The following NF1 variants were observed in gnomAD, a reference collection of about 807,000 sequenced individuals.
NF1 encodes neurofibromin.
In NF1, 122 loss-of-function variants were observed where a neutral mutation model predicts 325.7. The ratio of observed to expected loss-of-function variants is 0.37; its 90% CI spans 0.32 to 0.44. NF1 has a LOEUF of 0.44. Ranked by LOEUF, NF1 falls within the 20% of genes least tolerant of loss-of-function variation. The probability of loss-of-function intolerance (pLI) is 1.00; values close to 1 mark genes in which losing one functional copy is unlikely to be tolerated. For missense variants in NF1, 2,140 were observed against 3,415.4 expected (o/e 0.63, Z 9.31); for synonymous variants, 1,091 against 1,186.0 (o/e 0.92, Z 1.65).
chr17:31,307,395 G>C (rs1001337943), intron 36 of NF1, among the ~76,000 whole-genome samples: 3 of 152,182 alleles, frequency 2.0e-5, no homozygotes, highest in Admixed American at 2.0e-4. Flanking sequence ...GCCTGGAAAG[G>C]CTTCAGTGAA....
At chr17:31,205,469 A>G (rs964461856) in intron 11 of NF1, among the ~76,000 whole-genome samples, 1 of 152,168 alleles carries the variant, frequency 6.6e-6, no homozygotes, top group African/African-American at 2.4e-5. Context: ...GATTTTCACA[A>G]TTGTCATTTT....
At chr17:31,230,149 A>G in intron 22 of NF1, 111 bp from the exon 23 acceptor site, 3 of 1,427,928 alleles carry the variant, frequency 2.1e-6, no homozygotes, top group Non-Finnish European at 2.9e-6. Flanking sequence ...TAAATATCTT[A>G]TTGTTTTCAA....
chr17:31,341,725 GTA>G (rs940106139), intron 47 of NF1, among the ~76,000 whole-genome samples: 2 of 151,466 alleles, frequency 1.3e-5, no homozygotes, highest in African/African-American at 2.4e-5. Context: ...ATGTGTGTGT[GTA>G]TATATATATG....
intron 8 of NF1, among the ~76,000 whole-genome samples, chr17:31,190,931 TAA>T (rs2066331738): frequency 6.6e-6 from 1 of 152,186 alleles, no homozygotes; most frequent in East Asian, 1.9e-4. Flanking sequence ...CTTTCAGAGG[TAA>T]ACTGTGTGAT....
At chr17:31,325,284 C>T (rs1474428228) in intron 36 of NF1, among the ~76,000 whole-genome samples, 1 of 152,154 alleles carries the variant, frequency 6.6e-6, no homozygotes, top group Non-Finnish European at 1.5e-5. Context: ...GAGCTAGCAA[C>T]TCCTAGGGCT....
rs762751192 is a variant in NF1 at position 31,336,751 on chromosome 17, G to A, written c.6264G>A (p.Leu2088=). The A allele has an allele frequency of 6.8e-6, 11 of 1,613,962 alleles. No homozygotes were observed. The highest frequency in any genetic ancestry group is 1.6e-4 in the Middle Eastern group (1 of 6,084). The change falls in exon 42 of 58, where the codon CTG becomes CTA. Residue 2088 remains leucine (L), a synonymous_variant. Coordinates refer to ENST00000358273, the MANE Select transcript of NF1 (RefSeq NM_001042492.3). This position sits in a 1 kb window ranked among gnomAD's most constrained non-coding sequence, Gnocchi z 5.5. The part of the protein sequence containing the change: ...IAILARYMLM[L]SFNNSLDVAA... ...TTTTAGCACGCTACATGCTGATGCT[G>A]TCCTTCAACAATTCCCTTGATGTGG...
chr17:31,296,418 A>G (rs2068466136), intron 36 of NF1: 1 of 1,351,350 alleles, frequency 7.4e-7, no homozygotes, highest in South Asian at 1.2e-5. Flanking sequence ...CATTAGGCAA[A>G]ATTTTCAATA....
chr17:31,098,475 C>T (rs1177432625), intron 1 of NF1, among the ~76,000 whole-genome samples: 1 of 152,080 alleles, frequency 6.6e-6, no homozygotes. Context: ...AGTGATTCTC[C>T]TGCCTCAGCC....
chr17:31,292,756 A>G (rs1281394495), intron 36 of NF1, among the ~76,000 whole-genome samples: 1 of 152,224 alleles, frequency 6.6e-6, no homozygotes, highest in Non-Finnish European at 1.5e-5. Context: ...TGTAGGATTG[A>G]CATAATCCAT....
intron 5 of NF1, among the ~76,000 whole-genome samples, chr17:31,173,154 C>T (rs187169507): frequency 9.3e-4 from 142 of 152,216 alleles, no homozygotes; most frequent in African/African-American, 3.2e-3. Context: ...CGGTGGCTCA[C>T]GCCTGTAATC....
At chr17:31,130,281 G>T (rs562203491) in intron 1 of NF1, among the ~76,000 whole-genome samples, 6 of 152,244 alleles carry the variant, frequency 3.9e-5, no homozygotes, top group African/African-American at 1.4e-4. Flanking sequence ...TGCTGCACTG[G>T]AGGGGCCGAG....
intron 36 of NF1, among the ~76,000 whole-genome samples, chr17:31,301,149 T>C (rs1193391720): frequency 6.6e-6 from 1 of 152,088 alleles, no homozygotes; most frequent in Non-Finnish European, 1.5e-5. Context: ...CGCACTTGCA[T>C]GTGTGTGATA....
intron 5 of NF1, among the ~76,000 whole-genome samples, chr17:31,170,705 C>A (rs941517697): frequency 6.6e-6 from 1 of 151,908 alleles, no homozygotes; most frequent in Admixed American, 6.6e-5. Context: ...AAATCAGATA[C>A]CAATGAGTAT....
In NF1 at chr17:31,337,899, A is replaced by G. The variant is rs761477107; in HGVS notation, c.6704+19A>G. 3.7e-6 allele frequency: 6 copies of G among 1,609,836 alleles called. No homozygotes were observed. Among genetic ancestry groups the G allele is most frequent in the South Asian group, 1.1e-5 (1 of 90,922 alleles). On this transcript the variant is annotated intron_variant, in intron 44 of 57. Coordinates refer to ENST00000358273, the MANE Select transcript of NF1 (RefSeq NM_001042492.3). ...CTCAAAGGTATGTCCTAAATTAAAT[A>G]TAAGTTGTAAAAATATGCATATTGT... is the stretch of plus-strand genomic sequence containing the variant.
chr17:31,251,991 T>A (rs2067501726), intron 30 of NF1: 1 of 213,940 alleles, frequency 4.7e-6, no homozygotes, highest in East Asian at 6.9e-5. Context: ...AAAATATTTT[T>A]AAAATAATTA....
chr17:31,229,803 G>A (rs1479278726), intron 21 of NF1, 32 bp from the exon 22 acceptor site: 1 of 1,610,536 alleles, frequency 6.2e-7, no homozygotes, highest in East Asian at 2.2e-5. Context: ...GGCATTGATG[G>A]CAAATCATTA....
intron 22 of NF1, 139 bp downstream of exon 22, chr17:31,230,113 A>G (rs2067087622): frequency 7.1e-7 from 1 of 1,412,274 alleles, no homozygotes; most frequent in South Asian, 1.2e-5. Context: ...TAAGGTAGCC[A>G]GAAGTTGTGT....
intron 50 of NF1, among the ~76,000 whole-genome samples, chr17:31,351,682 T>C (rs1006921950): frequency 2.6e-5 from 4 of 152,140 alleles, no homozygotes; most frequent in African/African-American, 9.7e-5. Context: ...TCCCAAAGTG[T>C]TGGGATTACA....
intron 1 of NF1, among the ~76,000 whole-genome samples, chr17:31,152,375 C>T (rs924275232): frequency 6.6e-6 from 1 of 151,216 alleles, no homozygotes; most frequent in Admixed American, 6.6e-5. Context: ...TTCTTGAATT[C>T]TAGTTTCTAA....
Sources: allele counts gnomAD v4.1 joint callset (sites outside exome capture counted in the v4.1 genomes callset), GRCh38; gene constraint gnomAD v4.1.1; non-coding constraint Gnocchi (gnomAD v3.1); transcripts MANE v1.5; gene names NCBI Gene and HGNC (gene_info 2026-07-23, HGNC 2026-07-21).